Variants in MAIP1 observed in about 807,000 individuals in gnomAD.
MAIP1 encodes matrix AAA peptidase interacting protein 1.
In MAIP1, 28 loss-of-function variants were observed where a neutral mutation model predicts 31.2. The ratio of observed to expected loss-of-function variants is 0.90; its 90% CI spans 0.67 to 1.23. The LOEUF (loss-of-function observed/expected upper bound fraction) is 1.23, where lower values mean the gene tolerates loss of function less well. Ranked by LOEUF, MAIP1 falls within the 50% of genes most tolerant of loss-of-function variation. The probability of loss-of-function intolerance (pLI) is 0.00; values close to 1 mark genes in which losing one functional copy is unlikely to be tolerated. For missense variants in MAIP1, 339 were observed against 356.0 expected (o/e 0.95, Z 0.38); for synonymous variants, 142 against 142.3 (o/e 1.00, Z 0.02).
intron 4 of MAIP1, among the ~76,000 whole-genome samples, chr2:199,963,345 G>A (rs2077646075): frequency 6.6e-6 from 1 of 152,058 alleles, no homozygotes; most frequent in African/African-American, 2.4e-5. Context: ...CCTAGGTTAT[G>A]TATTTAAAGT....
At chr2:199,961,478 A>G (rs1382018277) in intron 3 of MAIP1, among the ~76,000 whole-genome samples, 1 of 152,164 alleles carries the variant, frequency 6.6e-6, no homozygotes, top group Non-Finnish European at 1.5e-5. Flanking sequence ...AAAGAGAAAG[A>G]AAAAGAAAAT....
At chr2:199,958,232 C>T (rs1427240263) in intron 1 of MAIP1, among the ~76,000 whole-genome samples, 1 of 152,142 alleles carries the variant, frequency 6.6e-6, no homozygotes, top group African/African-American at 2.4e-5. Context: ...CATGCGTGCT[C>T]CTGGTGGCTC....
rs373907210 is a variant in MAIP1 at position 199,963,756 on chromosome 2, G to A, written c.821G>A (p.Gly274Glu). Residue 274 changes from glycine (G) to glutamate (E), a missense_variant, in exon 5 of 5, where the codon GGA (glycine) becomes GAA (glutamate). Coordinates refer to ENST00000392290, the MANE Select transcript of MAIP1 (RefSeq NM_001394955.1). ...SYEFQREFTQGVKPDWTIARI... is the reference protein window; with the variant it reads ...SYEFQREFTQEVKPDWTIARI... ...AGGTTTCAGAGGGAGTTCACACAAG[G>A]AGTAAAGCCTGACTGGACCATTGCA... is the stretch of plus-strand genomic sequence containing the variant. 6.2e-7 allele frequency: 1 copy of A among 1,607,570 alleles called. No homozygotes were observed. Among genetic ancestry groups the A allele is most frequent in the East Asian group, 2.2e-5 (1 of 44,746 alleles).
At chr2:199,955,391 A>G (rs776599948), upstream of MAIP1, 5 of 1,613,388 alleles carry the variant, frequency 3.1e-6, no homozygotes, top group Non-Finnish European at 2.5e-6. Context: ...CGAGGGCCTC[A>G]CCTGTGGGTA....
chr2:199,958,222 C>T lies in MAIP1; in HGVS notation c.451-1046C>T, dbSNP rs565790711. ...GTGTCCTTGCATGGTCCTCCCTGTG[C>T]ATGCGTGCTCCTGGTGGCTCTTACT... On this transcript the variant is annotated intron_variant, in intron 1 of 4. Transcript: ENST00000392290. Among the ~76,000 whole-genome samples, 4 of 152,288 alleles carry T rather than the reference C, an allele frequency of 2.6e-5. No individual in the cohort carries two copies. In the East Asian group the frequency reaches 7.7e-4, roughly 29 times the overall value.
Position 199,955,994 on chromosome 2 carries a change from C to T in MAIP1, c.196C>T (p.Leu66=). Residue 66 remains leucine (L), a synonymous_variant, in exon 1 of 5, where the codon CTA becomes TTA. Transcript: ENST00000392290. ...CGCTAGGGCCTTGGCAGCCTCGGCG[C>T]TACCTGCCCAGGGCTCCCGGTGGCC... ...RSARALAASA[L]PAQGSRWPVL... is the part of the protein sequence containing the mutation. 1 of 1,611,874 alleles carries T rather than the reference C, an allele frequency of 6.2e-7. No individual in the cohort carries two copies. Among genetic ancestry groups the T allele is most frequent in the Non-Finnish European group, 8.5e-7 (1 of 1,179,196 alleles).
At chr2:199,958,266 T>G (rs569699815) in intron 1 of MAIP1, among the ~76,000 whole-genome samples, 2 of 152,190 alleles carry the variant, frequency 1.3e-5, no homozygotes, top group South Asian at 4.1e-4. Flanking sequence ...GCTCCTCTTA[T>G]AAGGATGCCA....
chr2:199,961,598 T>C (rs2077637203), intron 3 of MAIP1, among the ~76,000 whole-genome samples, 183 bp from the exon 4 acceptor site: 5 of 152,196 alleles, frequency 3.3e-5, no homozygotes, highest in Admixed American at 3.3e-4. Context: ...CCATAAACCC[T>C]AAGACAATTT....
intron 4 of MAIP1, among the ~76,000 whole-genome samples, chr2:199,963,393 A>C (rs1346160466): frequency 6.6e-6 from 1 of 152,146 alleles, no homozygotes; most frequent in Non-Finnish European, 1.5e-5. Context: ...ATCTGTCCTC[A>C]TATTAGGCAT....
At chr2:199,963,506 G>T (rs559095355) in intron 4 of MAIP1, among the ~76,000 whole-genome samples, 1 of 152,176 alleles carries the variant, frequency 6.6e-6, no homozygotes, top group South Asian at 2.1e-4. Context: ...ATATAGATTA[G>T]TCCATTAAAA....
intron 4 of MAIP1, 140 bp downstream of exon 4, chr2:199,962,068 C>A: frequency 1.4e-6 from 1 of 721,992 alleles, no homozygotes; most frequent in South Asian, 2.1e-5. Context: ...CAGAAAGACA[C>A]ACTGGATATG....
In MAIP1 at chr2:199,961,908, ACTT is replaced by A. The variant is rs1439793368; in HGVS notation, c.781_783del (p.Leu261del). On this transcript the variant is annotated inframe_deletion, in exon 4 of 5. Transcript: ENST00000392290. ...GGAATCAGAATGTGGAAACTAAACA[ACTT>A]CTTAGTGCAAGCTATGAGTAAGTTT... 9 of 1,613,010 alleles carry A rather than the reference ACTT, an allele frequency of 5.6e-6. No individual in the cohort carries two copies. The Admixed American group carries it at 1.2e-4, about 21-fold the overall frequency.
chr2:199,957,039 CTTTTTTT>C (rs71403495), intron 1 of MAIP1, among the ~76,000 whole-genome samples: 1 of 129,832 alleles, frequency 7.7e-6, no homozygotes, highest in Non-Finnish European at 1.6e-5. Context: ...TGGGTACATG[CTTTTTTT>C]TTTTTTTTTT....
chr2:199,963,447 T>A (rs566713573), intron 4 of MAIP1, among the ~76,000 whole-genome samples: 1 of 152,314 alleles, frequency 6.6e-6, no homozygotes, highest in South Asian at 2.1e-4. Context: ...TATGTGTTAT[T>A]TATATAACAC....
Position 199,955,912 on chromosome 2 carries a change from A to T in MAIP1, c.114A>T (p.Thr38=), listed in dbSNP as rs767196164. The part of the protein sequence containing the change: ...AVAEVRLPSA[T]LCYFCRCRLG... ...CCGAGGTGAGGCTGCCGTCGGCCAC[A>T]CTTTGCTACTTCTGCCGCTGTCGCC... is the stretch of plus-strand genomic sequence containing the variant. The change falls in exon 1 of 5, where the codon ACA becomes ACT. Residue 38 remains threonine, a synonymous_variant. Coordinates refer to ENST00000392290, the MANE Select transcript of MAIP1 (RefSeq NM_001394955.1). 36 of 1,590,360 alleles carry T rather than the reference A, an allele frequency of 2.3e-5. No homozygotes were observed. Among genetic ancestry groups the T allele is most frequent in the Non-Finnish European group, 3.0e-5 (35 of 1,167,034 alleles).
At chr2:199,963,603 A>G in intron 4 of MAIP1, 130 bp from the exon 5 acceptor site, 1 of 486,598 alleles carries the variant, frequency 2.1e-6, no homozygotes, top group South Asian at 4.2e-5. Flanking sequence ...TTTTGTTTTG[A>G]TTTTGATTTA....
chr2:199,961,976 G>A, intron 4 of MAIP1, 48 bp downstream of exon 4: 5 of 1,510,684 alleles, frequency 3.3e-6, no homozygotes, highest in Non-Finnish European at 2.7e-6. Flanking sequence ...AAAATGGAAG[G>A]TAGTGTGAAG....
upstream of MAIP1, chr2:199,955,398 G>A (rs559116313): frequency 2.4e-5 from 39 of 1,613,612 alleles, no homozygotes; most frequent in East Asian, 8.5e-4. Context: ...CTCACCTGTG[G>A]GTAGAGGTGC....
intron 1 of MAIP1, among the ~76,000 whole-genome samples, chr2:199,957,524 A>G (rs1366774713): frequency 6.6e-6 from 1 of 152,194 alleles, no homozygotes; most frequent in East Asian, 1.9e-4. Flanking sequence ...TGGTATTGAT[A>G]TTTTACTCCA....
Sources: gnomAD v4.1 joint callset for allele counts (sites outside exome capture counted in the v4.1 genomes callset) on GRCh38, gnomAD v4.1.1 for gene constraint, MANE v1.5 for transcripts, NCBI Gene and HGNC (gene_info 2026-07-23, HGNC 2026-07-21) for gene names.